The following CTBP2 variants were observed in gnomAD, a reference collection of about 807,000 sequenced individuals.
CTBP2 encodes C-terminal binding protein 2.
Under a neutral mutation model 80.3 loss-of-function variants are expected in CTBP2, and 30 were observed. The ratio of observed to expected loss-of-function variants is 0.37; its 90% CI spans 0.28 to 0.51. The LOEUF is 0.51. CTBP2 is among the 20% of genes least tolerant of loss of function. The pLI is 0.93. For missense variants in CTBP2, 1,212 were observed against 1,375.3 expected (o/e 0.88, Z 1.88); for synonymous variants, 594 against 587.4 (o/e 1.01, Z -0.16).
Position 124,986,283 on chromosome 10 carries a change from G to GCACACACACA in CTBP2, c.*3234_*3235insTGTGTGTGTG, listed in dbSNP as rs1418013177. On this transcript the variant is annotated 3_prime_UTR_variant, in exon 9 of 9. Coordinates refer to ENST00000309035, the MANE Select transcript of CTBP2 (RefSeq NM_022802.3). ...ATTTGGAAAGACGACACACGCACGC[G>GCACACACACA]CGCGCGCGCACACACACACACACAC... The GCACACACACA allele has an allele frequency of 2.4e-4, 11 of 45,460 alleles. No individual in the cohort carries two copies. The highest frequency in any genetic ancestry group is 6.2e-4 in the East Asian group (1 of 1,602). 2.8% of individuals were successfully genotyped at this position (45,460 alleles called of 1,614,324 possible). A position where few individuals can be genotyped will look rare whatever the true frequency, so the allele number is the denominator to read the frequency against.
intron 8 of CTBP2, among the ~76,000 whole-genome samples, chr10:124,991,602 C>T (rs1274006902): frequency 6.6e-6 from 1 of 152,164 alleles, no homozygotes; most frequent in Non-Finnish European, 1.5e-5. Flanking sequence ...GTGGCTACAG[C>T]AGGGGACATG....
intron 1 of CTBP2, among the ~76,000 whole-genome samples, chr10:125,113,952 T>C (rs1376833562): frequency 6.6e-6 from 1 of 152,178 alleles, no homozygotes; most frequent in Non-Finnish European, 1.5e-5. Context: ...AAGTGCTCGT[T>C]GTTACTTGAA....
At chr10:125,007,682 G>C (rs549381638) in intron 1 of CTBP2, among the ~76,000 whole-genome samples, 4 of 152,344 alleles carry the variant, frequency 2.6e-5, no homozygotes, top group African/African-American at 9.6e-5. Flanking sequence ...CAGTCACCAA[G>C]AAGGAACTGG....
chr10:125,129,209 T>C (rs1855753667), intron 1 of CTBP2, among the ~76,000 whole-genome samples: 1 of 152,170 alleles, frequency 6.6e-6, no homozygotes, highest in African/African-American at 2.4e-5. Context: ...AAAACAGTGG[T>C]GGCCTGAGAT....
intron 2 of CTBP2, among the ~76,000 whole-genome samples, chr10:125,041,421 A>G (rs1015842420): frequency 6.6e-6 from 1 of 151,570 alleles, no homozygotes; most frequent in Non-Finnish European, 1.5e-5. Context: ...ACAAAAAAAG[A>G]GTCCCTAACT....
rs377443860 is a variant in CTBP2, at chr10:125,023,445, C to T, written c.1678+2637G>A. 1.6e-4 allele frequency among the ~76,000 whole-genome samples: 25 copies of T among 152,314 alleles called. No homozygotes were observed. In the South Asian group the frequency reaches 3.9e-3, roughly 24 times the overall value. On this transcript the variant is annotated intron_variant, in intron 1 of 8. Transcript: ENST00000309035. ...TGCTGCATCTGGTGCAGGCAGGGCTCGGGTGACAGCACGTGACACGGGGAG... is the reference window on the plus strand; with the variant it reads ...TGCTGCATCTGGTGCAGGCAGGGCTTGGGTGACAGCACGTGACACGGGGAG...
intron 2 of CTBP2, among the ~76,000 whole-genome samples, chr10:125,087,426 C>T (rs376217987): frequency 7.9e-5 from 12 of 152,076 alleles, no homozygotes; most frequent in African/African-American, 2.7e-4. Context: ...TGGCATGATG[C>T]GCTGGGCCGT....
chr10:125,011,266 G>A (rs1955862477), intron 1 of CTBP2, among the ~76,000 whole-genome samples: 1 of 152,206 alleles, frequency 6.6e-6, no homozygotes, highest in Non-Finnish European at 1.5e-5. Context: ...TGAAGAAATG[G>A]CCACAGGAAC....
intron 2 of CTBP2, among the ~76,000 whole-genome samples, chr10:125,094,357 T>C (rs1849230431): frequency 6.6e-6 from 1 of 152,132 alleles, no homozygotes; most frequent in African/African-American, 2.4e-5. Context: ...GCACCAGGCA[T>C]GTGGCGACGG....
At position 125,026,717 on chromosome 10, in the gene CTBP2, C is replaced by G; in HGVS notation, c.1043G>C (p.Ser348Thr). 1 of 1,612,836 alleles carries G rather than the reference C, an allele frequency of 6.2e-7. No individual in the cohort carries two copies. The highest frequency in any genetic ancestry group is 8.5e-7 in the Non-Finnish European group (1 of 1,179,906). Residue 348 changes from serine (S) to threonine (T), a missense_variant, in exon 1 of 9, where the codon AGC becomes ACC. By Grantham distance (58) the Ser-to-Thr change is moderately conservative. Coordinates refer to ENST00000309035, the MANE Select transcript of CTBP2 (RefSeq NM_022802.3). ...CCGCAGCTGCATTTCGGTCCTGCAG[C>G]TATTGGCCAGGCGGCTCAGAACACG...
At chr10:125,153,477 G>A (rs370524793) in intron 1 of CTBP2, among the ~76,000 whole-genome samples, 2 of 152,194 alleles carry the variant, frequency 1.3e-5, no homozygotes, top group East Asian at 3.9e-4. Context: ...CTCACAGCTA[G>A]AGCTCATTTA....
At chr10:125,148,947 C>T (rs1207828553) in intron 1 of CTBP2, among the ~76,000 whole-genome samples, 1 of 152,140 alleles carries the variant, frequency 6.6e-6, no homozygotes, top group Non-Finnish European at 1.5e-5. Flanking sequence ...CGTGGAGGAG[C>T]GAGGAGAATG....
chr10:125,156,551 G>GT (rs1047797575), intron 1 of CTBP2, among the ~76,000 whole-genome samples: 14 of 151,886 alleles, frequency 9.2e-5, no homozygotes, highest in African/African-American at 2.9e-4. Flanking sequence ...GTCCTTTTCG[G>GT]TTTTTTTTCA....
At chr10:125,043,033 T>C (rs899756295) in intron 2 of CTBP2, among the ~76,000 whole-genome samples, 1 of 151,986 alleles carries the variant, frequency 6.6e-6, no homozygotes, top group African/African-American at 2.4e-5. Context: ...TGCCAAGAAA[T>C]TCAACTCATT....
At chr10:125,159,788 GC>G (rs2133552195) in intron 1 of CTBP2, 1 of 150,306 alleles carries the variant, frequency 6.7e-6, no homozygotes, top group Admixed American at 6.6e-5. Flanking sequence ...CGGAGATCCG[GC>G]CGTATTGTCC....
intron 3 of CTBP2, 45 bp downstream of exon 5, chr10:125,002,915 A>G: frequency 6.2e-7 from 1 of 1,603,512 alleles, no homozygotes; most frequent in South Asian, 1.1e-5. Flanking sequence ...CAGGGCCCAC[A>G]GAGCTCCGGA....
At chr10:125,147,898 C>CA (rs1337178317) in intron 1 of CTBP2, among the ~76,000 whole-genome samples, 2 of 151,000 alleles carry the variant, frequency 1.3e-5, no homozygotes, top group Non-Finnish European at 1.5e-5. Context: ...ACCCCCATCT[C>CA]GGGAAAAAAA....
At chr10:125,147,245 T>C (rs1017866880) in intron 1 of CTBP2, among the ~76,000 whole-genome samples, 1 of 152,164 alleles carries the variant, frequency 6.6e-6, no homozygotes, top group Non-Finnish European at 1.5e-5. Context: ...GAGGCCTCAG[T>C]AGAGGAGAAT....
intron 1 of CTBP2, among the ~76,000 whole-genome samples, chr10:125,126,785 T>C (rs2209683): frequency 0.21 from 32,382 of 152,106 alleles, 3,462 homozygotes; most frequent in Non-Finnish European, 0.23. Context: ...ATTTCCACAT[T>C]TCCACACCAC....
Sources: gnomAD v4.1 joint callset for allele counts (sites outside exome capture counted in the v4.1 genomes callset) on GRCh38, gnomAD v4.1.1 for gene constraint, MANE v1.5 for transcripts, NCBI Gene and HGNC (gene_info 2026-07-23, HGNC 2026-07-21) for gene names.